The following HMGXB4 variants were observed in gnomAD, a reference collection of about 807,000 sequenced individuals.
HMGXB4 encodes the protein HMG domain-containing protein 4.
Under a neutral mutation model 63.9 loss-of-function variants are expected in HMGXB4, and 27 were observed. The observed-to-expected ratio is 0.42, with a 90% CI of 0.31 to 0.58. HMGXB4 has a LOEUF of 0.58. Among genes scored for constraint, HMGXB4 ranks in the 20% least tolerant of loss-of-function variants. The pLI is 0.13. For synonymous variants in HMGXB4, 264 were observed against 265.3 expected, an observed-to-expected ratio of 0.99 and a Z score of 0.05; for missense variants, 624 against 700.7, an observed-to-expected ratio of 0.89 and a Z score of 1.24.
the HMGXB4 span, among the ~76,000 whole-genome samples, chr22:35,251,701 T>C: frequency 1.3e-5 from 2 of 152,236 alleles, no homozygotes; most frequent in African/African-American, 4.8e-5. Context: ...TAATCTTTTT[T>C]AAACAGTTTT....
rs979698996 is a variant in HMGXB4, at chr22:35,294,604, A to C, written c.*953A>C. The C allele has an allele frequency of 6.6e-6, 1 of 152,628 alleles. No individual in the cohort carries two copies. The allele number at this position is 152,628 out of a possible 1,614,324, so 9.5% of individuals were successfully genotyped here. A position where few individuals can be genotyped will look rare whatever the true frequency, so the allele number is the denominator to read the frequency against. On this transcript the variant is annotated 3_prime_UTR_variant, in exon 11 of 11. Coordinates refer to ENST00000216106, the MANE Select transcript of HMGXB4 (RefSeq NM_001003681.3). ...CATGTAAGTGAATTGCAAAAACAAAACAAAACTCACTCTCTTGTAGGTTTA... is the reference window on the plus strand; with the variant it reads ...CATGTAAGTGAATTGCAAAAACAAACCAAAACTCACTCTCTTGTAGGTTTA...
In HMGXB4 at chr22:35,287,379, C is replaced by T. The variant is rs1419566980; in HGVS notation, c.1395C>T (p.His465=). ...AGCAAAAAGCTCAGTATCTGCAGCA[C>T]AAACAGAACAAAGCAGAAGCCACAA... ...IWKQKAQYLQ[H]KQNKAEATTV... is the part of the protein sequence containing the mutation. Residue 465 remains histidine, a synonymous_variant, in exon 8 of 11, where the codon CAC becomes CAT. Transcript: ENST00000216106. 1.2e-6 allele frequency: 2 copies of T among 1,613,366 alleles called. No homozygotes were observed. Among genetic ancestry groups the T allele is most frequent in the Admixed American group, 3.3e-5 (2 of 59,978 alleles).
At chr22:35,259,222 G>A (rs915200618) in intron 1 of HMGXB4, among the ~76,000 whole-genome samples, 2 of 152,122 alleles carry the variant, frequency 1.3e-5, no homozygotes, top group African/African-American at 4.8e-5. Context: ...TATGGTACCA[G>A]TTTTTTACTT....
At chr22:35,283,101 A>C (rs1924363063) in intron 5 of HMGXB4, among the ~76,000 whole-genome samples, 1 of 152,236 alleles carries the variant, frequency 6.6e-6, no homozygotes, top group African/African-American at 2.4e-5. Context: ...CTACCAAAGA[A>C]TTGTCTTCAG....
At chr22:35,265,681 A>C (rs1473699920) in intron 5 of HMGXB4, 78 bp downstream of exon 5, 13 of 1,446,496 alleles carry the variant, frequency 9.0e-6, no homozygotes, top group Admixed American at 2.8e-5. Context: ...TTTTAAGTTA[A>C]GCAGTTGAGG....
chr22:35,262,246 T>C (rs1490862492), intron 1 of HMGXB4, 77 bp from the exon 2 acceptor site: 1 of 780,020 alleles, frequency 1.3e-6, no homozygotes, highest in African/African-American at 1.7e-5. Flanking sequence ...CTTGGATCAC[T>C]GCGCATTTCC....
chr22:35,266,730 C>T (rs1236872893), intron 5 of HMGXB4, among the ~76,000 whole-genome samples: 1 of 152,172 alleles, frequency 6.6e-6, no homozygotes, highest in African/African-American at 2.4e-5. Context: ...TGCCTGTAAT[C>T]CCAGCACTTT....
chr22:35,270,714 G>A (rs149509931), intron 5 of HMGXB4, among the ~76,000 whole-genome samples: 2 of 152,228 alleles, frequency 1.3e-5, no homozygotes, highest in African/African-American at 2.4e-5. Flanking sequence ...ATTTGCCCAT[G>A]TGGCTAGCAG....
chr22:35,250,259 T>A, the HMGXB4 span, among the ~76,000 whole-genome samples: 2 of 152,086 alleles, frequency 1.3e-5, no homozygotes, highest in African/African-American at 2.4e-5. Flanking sequence ...ATAAGAGGGG[T>A]TTACTTGGCT....
At position 35,286,059 on chromosome 22, in the gene HMGXB4, C is replaced by G. The variant is rs1924558743; in HGVS notation, c.1360C>G (p.Leu454Val). 3.8e-6 allele frequency: 6 copies of G among 1,599,890 alleles called. No homozygotes were observed. The highest frequency in any genetic ancestry group is 4.3e-6 in the Non-Finnish European group (5 of 1,172,980). ...GAAGCAATTACCAGAAAAAGACAAA[C>G]TGGTAAGTACATTTTCTTACAAACA... The part of the protein sequence containing the change: ...VWKQLPEKDK[L>V]IWKQKAQYLQ... The change falls in exon 7 of 11, where the codon CTG becomes GTG. Residue 454 changes from leucine to valine, a missense_variant and splice_region_variant. Leu to Val is a conservative substitution (Grantham distance 32). Transcript: ENST00000216106.
the HMGXB4 span, among the ~76,000 whole-genome samples, chr22:35,248,829 C>T: frequency 8.6e-5 from 13 of 152,002 alleles, no homozygotes; most frequent in Admixed American, 3.3e-4. Context: ...CACTTCCCAC[C>T]GGGCCCCATC....
At chr22:35,263,314 T>TC (rs1393522708) in intron 3 of HMGXB4, 88 bp downstream of exon 3, 16 of 1,066,908 alleles carry the variant, frequency 1.5e-5, no homozygotes, top group Middle Eastern at 5.9e-4. Context: ...TTTTTTTTTT[T>TC]CTCTCATGGC....
chr22:35,294,594 C>T lies in HMGXB4; in HGVS notation c.*943C>T, dbSNP rs1925146239. ...CTGCATTCCACATGTAAGTGAATTG[C>T]AAAAACAAAACAAAACTCACTCTCT... On this transcript the variant is annotated 3_prime_UTR_variant, in exon 11 of 11. Coordinates refer to ENST00000216106, the MANE Select transcript of HMGXB4 (RefSeq NM_001003681.3). 1 of 152,478 alleles carries T rather than the reference C, an allele frequency of 6.6e-6. No homozygotes were observed. The allele number at this position is 152,478 out of a possible 1,614,324, so 9.4% of individuals were successfully genotyped here. A position where few individuals can be genotyped will look rare whatever the true frequency, so the allele number is the denominator to read the frequency against.
chr22:35,265,119 T>G lies in HMGXB4; in HGVS notation c.731T>G (p.Phe244Cys), dbSNP rs1923124737. The change falls in exon 5 of 11, where the codon TTT (phenylalanine) becomes TGT (cysteine). Residue 244 changes from phenylalanine (F) to cysteine (C), a missense_variant. Coordinates refer to ENST00000216106, the MANE Select transcript of HMGXB4 (RefSeq NM_001003681.3). ...CTCCTAGGACATGAGTTACAGAGCT[T>G]TCTGAAAACAGCCCGGAAAAAGCAC... Reference protein sequence around the residue: ...ALLLGHELQSFLKTARKKHKS... With the variant: ...ALLLGHELQSCLKTARKKHKS... 4 of 1,614,030 alleles carry G rather than the reference T, an allele frequency of 2.5e-6. No homozygotes were observed. In the East Asian group the frequency reaches 8.9e-5, roughly 36 times the overall value.
At chr22:35,289,154 GAAA>G (rs1193897268) in intron 9 of HMGXB4, among the ~76,000 whole-genome samples, 5 of 150,314 alleles carry the variant, frequency 3.3e-5, no homozygotes, top group African/African-American at 1.2e-4. Flanking sequence ...AAGAAAGAAA[GAAA>G]GAAAGAAAAA....
intron 9 of HMGXB4, 68 bp from the exon 10 acceptor site, chr22:35,292,924 T>C: frequency 6.3e-7 from 1 of 1,597,344 alleles, no homozygotes; most frequent in East Asian, 2.2e-5. Context: ...TAAAGTACTG[T>C]GTGAGGAAGT....
At chr22:35,293,181 A>G in intron 10 of HMGXB4, 67 bp downstream of exon 10, 5 of 1,562,104 alleles carry the variant, frequency 3.2e-6, no homozygotes, top group Non-Finnish European at 4.4e-6. Flanking sequence ...CTTAATGAGC[A>G]CTGTCAGACA....
intron 1 of HMGXB4, chr22:35,258,601 G>C (rs1279054757): frequency 6.6e-6 from 1 of 152,346 alleles, no homozygotes; most frequent in African/African-American, 2.4e-5. Context: ...GTGCTGCCTA[G>C]GTAGGTCCCT....
At chr22:35,274,058 A>C (rs1267874582) in intron 5 of HMGXB4, among the ~76,000 whole-genome samples, 2 of 152,218 alleles carry the variant, frequency 1.3e-5, no homozygotes, top group Non-Finnish European at 2.9e-5. Context: ...CACAAAGATG[A>C]AGATACAGTG....
Sources: allele counts gnomAD v4.1 joint callset (sites outside exome capture counted in the v4.1 genomes callset), GRCh38; gene constraint gnomAD v4.1.1; transcripts MANE v1.5; gene names NCBI Gene and HGNC (gene_info 2026-07-23, HGNC 2026-07-21).